SNHG17: variants seen among roughly 807,000 people sequenced by gnomAD.
SNHG17 encodes small nucleolar RNA host gene 17 (non-protein coding).
chr20:38,434,370 G>A (rs1277208516), intron 2 of SNHG17: 1 of 231,796 alleles, frequency 4.3e-6, no homozygotes. Flanking sequence ...CGTCTCCTAA[G>A]TCACGCTTTG....
At chr20:38,432,117 C>T (rs1600768491) in intron 2 of SNHG17, 3 of 985,444 alleles carry the variant, frequency 3.0e-6, no homozygotes, top group African/African-American at 1.7e-5. Flanking sequence ...CTAGACATCA[C>T]CTGGTCAAAC....
chr20:38,433,709 G>A (rs1417133312), intron 2 of SNHG17, among the ~76,000 whole-genome samples: 1 of 152,238 alleles, frequency 6.6e-6, no homozygotes, highest in Non-Finnish European at 1.5e-5. Flanking sequence ...AGTGGGGGCT[G>A]CAGCTGTGGT....
At chr20:38,421,459 C>T (rs1412479639) in intron 6 of SNHG17, 1 of 152,210 alleles carries the variant, frequency 6.6e-6, no homozygotes, top group East Asian at 1.9e-4. Flanking sequence ...CACGTGTGCC[C>T]TTCACTGCTA....
intron 2 of SNHG17, among the ~76,000 whole-genome samples, chr20:38,433,665 ACAAT>A (rs938040215): frequency 1.3e-5 from 2 of 152,236 alleles, no homozygotes; most frequent in Non-Finnish European, 2.9e-5. Flanking sequence ...AGAGGCAAAG[ACAAT>A]CAAGCCAGTA....
chr20:38,420,963 C>A (rs1472068047), intron 7 of SNHG17: 1 of 152,154 alleles, frequency 6.6e-6, no homozygotes, highest in Non-Finnish European at 1.5e-5. Flanking sequence ...CACGGACCAG[C>A]TGAGCCTCTG....
chr20:38,429,757 C>A (rs932561740), intron 3 of SNHG17: 2 of 517,342 alleles, frequency 3.9e-6, no homozygotes, highest in Admixed American at 3.9e-5. Flanking sequence ...CCCTGCACTA[C>A]CAATGACCAG....
chr20:38,425,848 AG>A (rs2084237515), intron 5 of SNHG17: 2 of 153,700 alleles, frequency 1.3e-5, no homozygotes, highest in African/African-American at 4.8e-5. Flanking sequence ...GCTTGAGCCC[AG>A]GAATTCAAAA....
At chr20:38,424,729 G>A (rs2084216517) in intron 5 of SNHG17, among the ~76,000 whole-genome samples, 1 of 152,154 alleles carries the variant, frequency 6.6e-6, no homozygotes, top group South Asian at 2.1e-4. Flanking sequence ...GGGAGGCAGA[G>A]AGAGCTTCTG....
intron 2 of SNHG17, among the ~76,000 whole-genome samples, chr20:38,432,433 C>T (rs945277316): frequency 6.6e-6 from 1 of 152,176 alleles, no homozygotes; most frequent in African/African-American, 2.4e-5. Flanking sequence ...CATCTGTCAT[C>T]TGCGGGTCAG....
At chr20:38,429,818 G>A (rs1378454213) in intron 3 of SNHG17, 1 of 517,174 alleles carries the variant, frequency 1.9e-6, no homozygotes, top group Non-Finnish European at 3.9e-6. Context: ...AAAGGGCAGA[G>A]GGCAAGCCCA....
intron 2 of SNHG17, chr20:38,434,018 C>T (rs1443379995): frequency 3.9e-6 from 2 of 517,724 alleles, no homozygotes; most frequent in Non-Finnish European, 7.7e-6. Context: ...GGCAGGTGAG[C>T]CCACGTCAGC....
chr20:38,429,417 G>A, intron 3 of SNHG17: 1 of 209,954 alleles, frequency 4.8e-6, no homozygotes, highest in Non-Finnish European at 9.5e-6. Flanking sequence ...CACAGGTTCA[G>A]CTTGGTGCAG....
chr20:38,424,153 G>C (rs2084204680), intron 5 of SNHG17, among the ~76,000 whole-genome samples: 1 of 147,524 alleles, frequency 6.8e-6, no homozygotes, highest in Non-Finnish European at 1.5e-5. Context: ...CTGGGCAACA[G>C]AGCAAGACTG....
At chr20:38,433,276 C>A (rs964627286) in intron 2 of SNHG17, among the ~76,000 whole-genome samples, 1 of 152,158 alleles carries the variant, frequency 6.6e-6, no homozygotes, top group Non-Finnish European at 1.5e-5. Flanking sequence ...GCACCCGGCC[C>A]ATCTCCTGTT....
At chr20:38,433,278 T>C (rs956304820) in intron 2 of SNHG17, among the ~76,000 whole-genome samples, 5 of 152,102 alleles carry the variant, frequency 3.3e-5, no homozygotes, top group African/African-American at 1.2e-4. Context: ...ACCCGGCCCA[T>C]CTCCTGTTTT....
chr20:38,425,179 A>G, intron 5 of SNHG17: 2 of 516,882 alleles, frequency 3.9e-6, no homozygotes, highest in Middle Eastern at 3.2e-4. Context: ...AGGTAACATC[A>G]CTGGTGAGAA....
At chr20:38,421,489 G>A (rs758759123) in intron 6 of SNHG17, 3 of 152,204 alleles carry the variant, frequency 2.0e-5, no homozygotes, top group Non-Finnish European at 4.4e-5. Flanking sequence ...ATTCCAGCGT[G>A]GGGCCCAGAG....
intron 1 of SNHG17, chr20:38,434,698 A>C (rs533358289): frequency 3.2e-6 from 1 of 308,194 alleles, no homozygotes; most frequent in East Asian, 1.7e-4. Flanking sequence ...ACTCTGCCCC[A>C]CTGGAGTGCT....
At chr20:38,435,123 G>A in intron 1 of SNHG17, 1 of 1,232,308 alleles carries the variant, frequency 8.1e-7, no homozygotes, top group Non-Finnish European at 1.0e-6. Context: ...GACCTCTCTG[G>A]CCGCCTTCCC....
Sources: allele counts gnomAD v4.1 joint callset (sites outside exome capture counted in the v4.1 genomes callset), GRCh38; gene constraint gnomAD v4.1.1; transcripts MANE v1.5; gene names NCBI Gene and HGNC (gene_info 2026-07-23, HGNC 2026-07-21).